Variants in TNNT2 observed in about 807,000 individuals in gnomAD.
TNNT2 encodes the protein troponin T, cardiac muscle.
TNNT2 carries 34 observed loss-of-function variants against 62.4 expected under a neutral mutation model. The ratio of observed to expected loss-of-function variants is 0.54; its 90% CI spans 0.41 to 0.72. The LOEUF is 0.72. Ranked by LOEUF, TNNT2 falls within the 30% of genes least tolerant of loss-of-function variation. The pLI, the probability that TNNT2 is intolerant of heterozygous loss-of-function variation, is 0.00. For synonymous variants in TNNT2, 123 were observed against 127.2 expected, an observed-to-expected ratio of 0.97 and a Z score of 0.22; for missense variants, 275 against 381.9, an observed-to-expected ratio of 0.72 and a Z score of 2.33.
At chr1:201,369,253 A>T in intron 5 of TNNT2, 1 of 470,418 alleles carries the variant, frequency 2.1e-6, no homozygotes, top group South Asian at 1.6e-5. Flanking sequence ...CACTTTCTAA[A>T]ATTAAGCCCT....
chr1:201,376,441 G>A (rs1308479788), intron 1 of TNNT2, among the ~76,000 whole-genome samples: 1 of 152,144 alleles, frequency 6.6e-6, no homozygotes, highest in Non-Finnish European at 1.5e-5. Context: ...CTTGTCCCCA[G>A]CACTCGAATG....
At chr1:201,365,435 G>A (rs1659484829) in intron 9 of TNNT2, 128 bp from the exon 10 acceptor site, 4 of 1,181,912 alleles carry the variant, frequency 3.4e-6, no homozygotes, top group Admixed American at 3.4e-5. Flanking sequence ...GCCAGGGAAG[G>A]GGTAACTGTG....
At chr1:201,362,897 G>A (rs957447873) in intron 12 of TNNT2, among the ~76,000 whole-genome samples, 1 of 152,186 alleles carries the variant, frequency 6.6e-6, no homozygotes, top group Non-Finnish European at 1.5e-5. Context: ...ATGAGTGCCA[G>A]TTGAGGAAAC....
chr1:201,368,359 C>A, intron 5 of TNNT2, 132 bp from the exon 6 acceptor site: 1 of 895,326 alleles, frequency 1.1e-6, no homozygotes, highest in Non-Finnish European at 1.8e-6. Context: ...AATTTGGGGG[C>A]AACCAACGTG....
chr1:201,363,572 A>T, intron 11 of TNNT2, 166 bp from the exon 12 acceptor site: 1 of 645,816 alleles, frequency 1.5e-6, no homozygotes, highest in South Asian at 1.8e-5. Flanking sequence ...ACAGGAGTCC[A>T]CTGACTGAGA....
At chr1:201,361,884 G>T in intron 14 of TNNT2, 29 bp downstream of exon 14, 1 of 1,602,154 alleles carries the variant, frequency 6.2e-7, no homozygotes, top group Non-Finnish European at 8.6e-7. Context: ...TGCGGGCAGT[G>T]CCCCAGGACC....
At chr1:201,361,603 G>A (rs1658653728) in intron 14 of TNNT2, among the ~76,000 whole-genome samples, 1 of 152,236 alleles carries the variant, frequency 6.6e-6, no homozygotes. Context: ...GAACAAGCGG[G>A]GAGCAGGAGA....
rs3020555 is a variant in TNNT2, at chr1:201,361,342, G to T, written c.747C>A (p.Ser249Arg). ...ACTTCTCTGCCTCCAAGTTATAGAT[G>T]CTCTGCCACAGCTCCTTGGCCTTCT... ...LREKAKELWQ[S>R]IYNLEAEKFD... Residue 249 changes from serine (S) to arginine (R), a missense_variant, in exon 15 of 17, where the codon AGC becomes AGA. Coordinates refer to ENST00000656932, the MANE Select transcript of TNNT2 (RefSeq NM_001276345.2). 1 of 1,614,196 alleles carries T rather than the reference G, an allele frequency of 6.2e-7. No individual in the cohort carries two copies. Among genetic ancestry groups the T allele is most frequent in the East Asian group, 2.2e-5 (1 of 44,886 alleles).
At chr1:201,369,743 G>C (rs1660325698) in intron 5 of TNNT2, 73 bp downstream of exon 5, 2 of 1,599,916 alleles carry the variant, frequency 1.3e-6, no homozygotes, top group Non-Finnish European at 1.7e-6. Context: ...CCCAGAACAG[G>C]GCCCCTGGAC....
chr1:201,361,412 G>A (rs775075675), intron 14 of TNNT2, 43 bp from the exon 15 acceptor site: 1 of 1,530,542 alleles, frequency 6.5e-7, no homozygotes, highest in Non-Finnish European at 9.1e-7. Context: ...AGTAAGAAAG[G>A]GCCCTCCTGG....
At position 201,361,992 on chromosome 1, in the gene TNNT2, C is replaced by G; in HGVS notation, c.640G>C (p.Glu214Gln). 2 of 1,614,232 alleles carry G rather than the reference C, an allele frequency of 1.2e-6. No homozygotes were observed. ...TERKSGKRQT[E>Q]REKKKKILAE... is the part of the protein sequence containing the mutation. ...AGAATCTTCTTCTTCTTTTCCCGCT[C>G]AGTCTGCCTCTTCCCACTTTTCCGC... The change falls in exon 14 of 17, where the codon GAG becomes CAG. Residue 214 changes from glutamate (E) to glutamine (Q), a missense_variant. Glu to Gln is a conservative substitution (Grantham distance 29, BLOSUM62 2). Coordinates refer to ENST00000656932, the MANE Select transcript of TNNT2 (RefSeq NM_001276345.2).
chr1:201,362,077 T>C, intron 13 of TNNT2, 55 bp from the exon 14 acceptor site: 8 of 1,583,358 alleles, frequency 5.1e-6, no homozygotes, highest in Non-Finnish European at 5.2e-6. Context: ...CCCTGTCCCC[T>C]AACCCTCCCC....
intron 8 of TNNT2, 145 bp from the exon 9 acceptor site, chr1:201,365,815 C>A: frequency 6.5e-7 from 1 of 1,532,942 alleles, no homozygotes; most frequent in East Asian, 2.5e-5. Flanking sequence ...ACACTGACGT[C>A]AACAATGGCA....
At position 201,366,848 on chromosome 1, in the gene TNNT2, G is replaced by C; in HGVS notation, c.223C>G (p.Pro75Ala). ...AEDGPMEESK[P>A]KPRSFMPNLV... ...TGCCTCCCCACTCACCTGGGCTTTG[G>C]TTTGGACTCCTCCATTGGGCCATCT... The change falls in exon 8 of 17, where the codon CCA (proline) becomes GCA (alanine). Residue 75 changes from proline to alanine, a missense_variant. Coordinates refer to ENST00000656932, the MANE Select transcript of TNNT2 (RefSeq NM_001276345.2). 6.2e-7 allele frequency: 1 copy of C among 1,614,082 alleles called. No homozygotes were observed. Among genetic ancestry groups the C allele is most frequent in the Non-Finnish European group, 8.5e-7 (1 of 1,180,010 alleles).
intron 10 of TNNT2, 83 bp from the exon 11 acceptor site, chr1:201,364,458 A>G: frequency 7.0e-7 from 1 of 1,428,662 alleles, no homozygotes; most frequent in Non-Finnish European, 9.6e-7. Flanking sequence ...TGGGGTGGCA[A>G]GGGAATTCCT....
intron 8 of TNNT2, chr1:201,366,432 C>A: frequency 8.9e-7 from 1 of 1,117,674 alleles, no homozygotes; most frequent in Non-Finnish European, 1.1e-6. Context: ...TGCCCTCTCT[C>A]AGCTCTCTGA....
chr1:201,359,185 G>A lies in TNNT2; in HGVS notation c.*25C>T. The A allele has an allele frequency of 1.2e-6, 2 of 1,605,266 alleles. No homozygotes were observed. The highest frequency in any genetic ancestry group is 8.5e-7 in the Non-Finnish European group (1 of 1,176,854). ...CGGAGGCAGGTGCGAGCGAGGAGCA[G>A]ATCTTTGGTGAAGGAGGCCAGGCTC... On this transcript the variant is annotated 3_prime_UTR_variant, in exon 17 of 17. Transcript: ENST00000656932.
intron 10 of TNNT2, among the ~76,000 whole-genome samples, chr1:201,364,682 G>A (rs1478348018): frequency 6.6e-6 from 1 of 152,210 alleles, no homozygotes; most frequent in Non-Finnish European, 1.5e-5. Context: ...CCTGGCAGCT[G>A]CTCTGTGCCA....
intron 8 of TNNT2, chr1:201,366,348 G>T (rs188189631): frequency 4.4e-5 from 42 of 948,438 alleles, no homozygotes; most frequent in Non-Finnish European, 5.1e-5. Context: ...AAAGGGAAAT[G>T]CTCCCTATCC....
Sources: gnomAD v4.1 joint callset for allele counts (sites outside exome capture counted in the v4.1 genomes callset) on GRCh38, gnomAD v4.1.1 for gene constraint, MANE v1.5 for transcripts, NCBI Gene and HGNC (gene_info 2026-07-23, HGNC 2026-07-21) for gene names.